The following RNFT2 variants were observed in gnomAD, a reference collection of about 807,000 sequenced individuals.
The protein encoded by RNFT2 is E3 ubiquitin-protein ligase RNFT2.
RNFT2 carries 36 observed loss-of-function variants against 53.0 expected under a neutral mutation model. The ratio of observed to expected loss-of-function variants is 0.68; its 90% confidence interval spans 0.52 to 0.90. RNFT2 has a LOEUF of 0.90. Among genes scored for constraint, RNFT2 ranks in the 40% least tolerant of loss-of-function variants. The probability of loss-of-function intolerance (pLI) is 0.00; values close to 1 mark genes in which losing one functional copy is unlikely to be tolerated. For missense variants in RNFT2, 514 were observed against 585.6 expected (o/e 0.88, Z 1.26); for synonymous variants, 260 against 253.2 (o/e 1.03, Z -0.26).
chr12:116,852,551 A>G lies in RNFT2; in HGVS notation c.*3103A>G, dbSNP rs116645620. Reference sequence around the variant, plus strand: ...AGCAGAGGGAAATGGGGCCATGTGAATGCAGCTGCTCTGTTCTCCCTACCC... The same window carrying G: ...AGCAGAGGGAAATGGGGCCATGTGAGTGCAGCTGCTCTGTTCTCCCTACCC... On this transcript the variant is annotated 3_prime_UTR_variant, in exon 11 of 11. Coordinates refer to ENST00000257575, the MANE Select transcript of RNFT2 (RefSeq NM_001382266.1). 3,076 of 1,597,862 alleles carry G rather than the reference A, an allele frequency of 1.9e-3. 57 individuals are homozygous for G. In the African/African-American group the frequency reaches 0.037, roughly 19 times the overall value.
chr12:116,743,213 T>TAAAAAAGAAAAAAAAAAAAAAAAAAAAA (rs1871705523), intron 3 of RNFT2, among the ~76,000 whole-genome samples: 1 of 10,678 alleles, frequency 9.4e-5, no homozygotes, highest in Non-Finnish European at 1.7e-4. Flanking sequence ...AGGTAGAATC[T>TAAAAAAGAAAAAAAAAAAAAAAAAAAAA]AAAAAAAAAA....
At chr12:116,787,435 C>T (rs1456918019) in intron 7 of RNFT2, among the ~76,000 whole-genome samples, 1 of 152,216 alleles carries the variant, frequency 6.6e-6, no homozygotes, top group East Asian at 1.9e-4. Flanking sequence ...TGACAGGGCA[C>T]AGTGGCTCAC....
intron 7 of RNFT2, among the ~76,000 whole-genome samples, chr12:116,801,856 CTG>C (rs1401637362): frequency 1.3e-5 from 2 of 151,916 alleles, no homozygotes; most frequent in African/African-American, 4.8e-5. Context: ...GAGTCTCACT[CTG>C]TTGCCCAGGC....
chr12:116,752,450 G>C (rs1484158756), intron 4 of RNFT2, among the ~76,000 whole-genome samples: 1 of 151,838 alleles, frequency 6.6e-6, no homozygotes, highest in Non-Finnish European at 1.5e-5. Flanking sequence ...TTTTTGTTTT[G>C]TTTTTTAATC....
intron 3 of RNFT2, among the ~76,000 whole-genome samples, chr12:116,743,876 G>T (rs890588617): frequency 6.6e-6 from 1 of 152,096 alleles, no homozygotes; most frequent in African/African-American, 2.4e-5. Context: ...TTTGATACAT[G>T]ACTTCACCCC....
At chr12:116,834,270 A>G (rs111778251) in intron 8 of RNFT2, among the ~76,000 whole-genome samples, 4,330 of 152,024 alleles carry the variant, frequency 0.028, 203 homozygotes, top group African/African-American at 0.097. Flanking sequence ...GGCATCCACC[A>G]CTATACCCAG....
At chr12:116,823,955 A>G (rs1876192226) in intron 7 of RNFT2, among the ~76,000 whole-genome samples, 1 of 152,194 alleles carries the variant, frequency 6.6e-6, no homozygotes, top group African/African-American at 2.4e-5. Flanking sequence ...TGCCCCAGGT[A>G]ACTCAGGAAG....
chr12:116,846,881 A>T (rs1321818528), intron 10 of RNFT2, among the ~76,000 whole-genome samples: 4 of 149,390 alleles, frequency 2.7e-5, no homozygotes, highest in African/African-American at 9.9e-5. Flanking sequence ...GATAATCACA[A>T]TTCCACTAGC....
In RNFT2 at chr12:116,853,536, C is replaced by G. The variant is rs1344833629; in HGVS notation, c.*4088C>G. On this transcript the variant is annotated 3_prime_UTR_variant, in exon 11 of 11. Coordinates refer to ENST00000257575, the MANE Select transcript of RNFT2 (RefSeq NM_001382266.1). Reference sequence around the variant, plus strand: ...AGGTAAATAAAGTGGGTCCTGGAATCTTTTAGGACTTCTGCTGTAGGACAA... The same window carrying G: ...AGGTAAATAAAGTGGGTCCTGGAATGTTTTAGGACTTCTGCTGTAGGACAA... The G allele has an allele frequency of 9.1e-6, 2 of 218,714 alleles. No individual in the cohort carries two copies. The highest frequency in any genetic ancestry group is 1.8e-5 in the Non-Finnish European group (2 of 111,878). The allele number at this position is 218,714 out of a possible 1,614,324, so 13.5% of individuals were successfully genotyped here.
At chr12:116,748,976 A>G (rs1188697962) in intron 3 of RNFT2, among the ~76,000 whole-genome samples, 2 of 152,188 alleles carry the variant, frequency 1.3e-5, no homozygotes, top group Non-Finnish European at 2.9e-5. Context: ...TTAGTAAGTT[A>G]ATCAATGCAA....
At position 116,826,123 on chromosome 12, in the gene RNFT2, A is replaced by G. The variant is rs536804677; in HGVS notation, c.883-7669A>G. 8.5e-5 allele frequency among the ~76,000 whole-genome samples: 13 copies of G among 152,120 alleles called. No individual in the cohort carries two copies. In the South Asian group the frequency reaches 2.7e-3, roughly 32 times the overall value. On this transcript the variant is annotated intron_variant, in intron 7 of 10. Transcript: ENST00000257575. ...TTTCCCATGTAGGTGCGTTCTTCCA[A>G]AAAATTCTCCTCTCTGTTCATTTCT... is the stretch of plus-strand genomic sequence containing the variant.
At chr12:116,779,165 A>T (rs1340403987) in intron 6 of RNFT2, 30 bp from the exon 7 acceptor site, 1 of 1,613,368 alleles carries the variant, frequency 6.2e-7, no homozygotes, top group Non-Finnish European at 8.5e-7. Context: ...CCCTAAGGGA[A>T]CCTTCTGACT....
chr12:116,763,696 G>A (rs1384082079), intron 5 of RNFT2, among the ~76,000 whole-genome samples: 5 of 151,092 alleles, frequency 3.3e-5, no homozygotes, highest in East Asian at 1.9e-4. Context: ...GGAGAATGGC[G>A]TGAACCTGGG....
intron 10 of RNFT2, among the ~76,000 whole-genome samples, chr12:116,838,846 G>T (rs960224185): frequency 1.3e-5 from 2 of 152,182 alleles, no homozygotes; most frequent in Admixed American, 1.3e-4. Context: ...GACACCCATT[G>T]TCCCAGATCT....
intron 7 of RNFT2, among the ~76,000 whole-genome samples, chr12:116,815,836 A>G (rs572620352): frequency 6.6e-6 from 1 of 152,140 alleles, no homozygotes; most frequent in African/African-American, 2.4e-5. Context: ...AGTGATTGAT[A>G]TGACTTCGGC....
chr12:116,755,949 G>T, intron 5 of RNFT2: 1 of 907,438 alleles, frequency 1.1e-6, no homozygotes, highest in Non-Finnish European at 1.8e-6. Context: ...CCAGTACCAT[G>T]CTGTTTTGGT....
At chr12:116,744,661 G>A (rs1240602880) in intron 3 of RNFT2, among the ~76,000 whole-genome samples, 2 of 152,206 alleles carry the variant, frequency 1.3e-5, no homozygotes, top group African/African-American at 4.8e-5. Context: ...TCAAGCTCTG[G>A]CGCTTAAGTG....
chr12:116,801,077 G>A (rs1874770795), intron 7 of RNFT2: 1 of 152,184 alleles, frequency 6.6e-6, no homozygotes, highest in Non-Finnish European at 1.5e-5. Context: ...GCAACACTCT[G>A]AGAAGGGAGG....
At chr12:116,776,340 T>G (rs1212918531) in intron 6 of RNFT2, among the ~76,000 whole-genome samples, 3 of 152,076 alleles carry the variant, frequency 2.0e-5, no homozygotes, top group African/African-American at 4.8e-5. Context: ...AAAGGATAAG[T>G]CAGATCTTCA....
Sources: allele counts gnomAD v4.1 joint callset (sites outside exome capture counted in the v4.1 genomes callset), GRCh38; gene constraint gnomAD v4.1.1; transcripts MANE v1.5; gene names NCBI Gene and HGNC (gene_info 2026-07-23, HGNC 2026-07-21).